The following FIBCD1 variants were observed in gnomAD, a reference collection of about 807,000 sequenced individuals.
The protein encoded by FIBCD1 is fibrinogen C domain-containing protein 1.
FIBCD1 carries 47 observed loss-of-function variants against 45.1 expected under a neutral mutation model. The observed-to-expected ratio is 1.04, with a 90% CI of 0.82 to 1.33. The LOEUF (loss-of-function observed/expected upper bound fraction) is 1.33, where lower values mean the gene tolerates loss of function less well. FIBCD1 is among the 40% of genes most tolerant of loss of function. FIBCD1 has a pLI of 0.00. For missense variants in FIBCD1, 653 were observed against 682.2 expected (o/e 0.96, Z 0.48); for synonymous variants, 313 against 308.1 (o/e 1.02, Z -0.17).
chr9:130,923,947 ACTGT>A (rs915724576), intron 3 of FIBCD1, 67 bp from the exon 4 acceptor site: 21 of 1,604,770 alleles, frequency 1.3e-5, no homozygotes, highest in Non-Finnish European at 1.8e-5. Flanking sequence ...CCCTGGCCAA[ACTGT>A]CTGTCCATCG....
chr9:130,928,902 AAGG>A (rs59968769), intron 2 of FIBCD1, among the ~76,000 whole-genome samples: 7,256 of 152,196 alleles, frequency 0.048, 588 homozygotes, highest in African/African-American at 0.17. Flanking sequence ...TCATCCTATG[AAGG>A]AGGAACTTCT....
chr9:130,939,831 A>G (rs887395732), upstream of FIBCD1, among the ~76,000 whole-genome samples: 5 of 151,774 alleles, frequency 3.3e-5, no homozygotes, highest in Non-Finnish European at 7.4e-5. Context: ...GGTAATTGAC[A>G]AAGTCCTTAA....
In FIBCD1 at chr9:130,926,051, G is replaced by T. The variant is rs142335702; in HGVS notation, c.553-1655C>A. On this transcript the variant is annotated intron_variant, in intron 2 of 6. Transcript: ENST00000372338. The surrounding 1 kb of genome is among the most constrained non-coding windows in gnomAD (Gnocchi z 4.1). ...CAGAGATGGGCAGGCAGGGCGTTTG[G>T]GTTTCACGGCAGCATCCTGTAGACG... 2.7e-4 allele frequency among the ~76,000 whole-genome samples: 41 copies of T among 152,280 alleles called. No individual in the cohort carries two copies. In the East Asian group the frequency reaches 7.7e-3, roughly 29 times the overall value.
intron 5 of FIBCD1, among the ~76,000 whole-genome samples, chr9:130,907,367 C>T (rs1276154389): frequency 1.3e-5 from 2 of 152,238 alleles, no homozygotes; most frequent in Non-Finnish European, 2.9e-5. Flanking sequence ...CTTTCTCCAG[C>T]TCTCCCAGCT....
intron 5 of FIBCD1, among the ~76,000 whole-genome samples, chr9:130,909,987 G>C (rs2133073105): frequency 6.6e-6 from 1 of 152,316 alleles, no homozygotes; most frequent in Non-Finnish European, 1.5e-5. Flanking sequence ...CCTCGCTCTC[G>C]GCGCCTCCTC....
chr9:130,929,728 C>A lies in FIBCD1; in HGVS notation c.391G>T (p.Asp131Tyr). 6.3e-7 allele frequency: 1 copy of A among 1,584,664 alleles called. No individual in the cohort carries two copies. The highest frequency in any genetic ancestry group is 8.6e-7 in the Non-Finnish European group (1 of 1,166,814). Residue 131 changes from aspartate (D) to tyrosine (Y), a missense_variant, in exon 2 of 7, where the codon GAC (aspartate) becomes TAC (tyrosine). Coordinates refer to ENST00000372338, the MANE Select transcript of FIBCD1 (RefSeq NM_032843.5). ...GTGTCCAGCAGCTCCTGCTCCTGGT[C>A]GCCCACCAGCCGTGGCTGGGCCTGG... ...EHQAQPRLVGDQEQELLDTLA... is the reference protein window; with the variant it reads ...EHQAQPRLVGYQEQELLDTLA...
intron 3 of FIBCD1, 82 bp from the exon 4 acceptor site, chr9:130,923,962 A>G (rs1832310273): frequency 6.3e-7 from 1 of 1,593,352 alleles, no homozygotes; most frequent in Non-Finnish European, 8.6e-7. Context: ...CTGTCCATCG[A>G]TAATGCATGT....
At chr9:130,908,773 G>A (rs1216147233) in intron 5 of FIBCD1, among the ~76,000 whole-genome samples, 1 of 152,122 alleles carries the variant, frequency 6.6e-6, no homozygotes, top group African/African-American at 2.4e-5. Context: ...GTCCACACGG[G>A]GTGTGACCTT....
At chr9:130,930,992 A>G (rs1413887710) in intron 1 of FIBCD1, among the ~76,000 whole-genome samples, 3 of 152,070 alleles carry the variant, frequency 2.0e-5, no homozygotes, top group Non-Finnish European at 4.4e-5. Context: ...GCTGTTCTCC[A>G]GTCCCCAGGG....
chr9:130,940,276 C>T (rs983566215), upstream of FIBCD1, among the ~76,000 whole-genome samples: 1 of 152,266 alleles, frequency 6.6e-6, no homozygotes, highest in Non-Finnish European at 1.5e-5. Context: ...GAGACTGCCA[C>T]CCGCCAGGCG....
chr9:130,928,286 G>T (rs1445549156), intron 2 of FIBCD1, among the ~76,000 whole-genome samples: 1 of 152,224 alleles, frequency 6.6e-6, no homozygotes, highest in Non-Finnish European at 1.5e-5. Flanking sequence ...GCAGGACTCT[G>T]GGGTCCCTCC....
chr9:130,918,080 G>A (rs1418070574), intron 4 of FIBCD1, among the ~76,000 whole-genome samples: 1 of 152,244 alleles, frequency 6.6e-6, no homozygotes, highest in Non-Finnish European at 1.5e-5. Flanking sequence ...CAGCCATAGG[G>A]CAGAGCAGCT....
At chr9:130,911,103 T>C (rs1832030190) in intron 5 of FIBCD1, among the ~76,000 whole-genome samples, 1 of 152,196 alleles carries the variant, frequency 6.6e-6, no homozygotes, top group Non-Finnish European at 1.5e-5. Flanking sequence ...TCCTGCGCTG[T>C]GGAAGCTTTG....
rs1312248639 is a variant in FIBCD1, at chr9:130,938,611, C to G, written c.-4G>C. On this transcript the variant is annotated 5_prime_UTR_variant, in exon 1 of 7. Transcript: ENST00000372338. ...TCTTCCACCGGTCGTTGACCATCTTCCGGCAGGACTGGCGGGGGCGCCGGG... is the reference window on the plus strand; with the variant it reads ...TCTTCCACCGGTCGTTGACCATCTTGCGGCAGGACTGGCGGGGGCGCCGGG... 9.3e-5 allele frequency: 135 copies of G among 1,450,440 alleles called. No individual in the cohort carries two copies. The highest frequency in any genetic ancestry group is 1.2e-4 in the Non-Finnish European group (128 of 1,101,334). 89.8% of individuals were successfully genotyped at this position (1,450,440 alleles called of 1,614,324 possible).
chr9:130,924,626 G>A (rs1832327583), intron 2 of FIBCD1, among the ~76,000 whole-genome samples: 2 of 152,204 alleles, frequency 1.3e-5, no homozygotes, highest in Admixed American at 1.3e-4. Flanking sequence ...GAGGGCCGGG[G>A]AGCAGGCGGG....
chr9:130,930,126 G>GTCAGAGGACCCC (rs1229628828), intron 1 of FIBCD1, 80 bp from the exon 2 acceptor site: 53 of 1,440,512 alleles, frequency 3.7e-5, no homozygotes, highest in Non-Finnish European at 4.6e-5. Context: ...CATACCTGGG[G>GTCAGAGGACCCC]TCAGAGGACC....
At chr9:130,921,987 G>A (rs1040960230) in intron 4 of FIBCD1, among the ~76,000 whole-genome samples, 4 of 152,280 alleles carry the variant, frequency 2.6e-5, no homozygotes, top group East Asian at 1.9e-4. Context: ...TCCACCGGCC[G>A]CCTGTGCGGG....
At chr9:130,940,543 G>T (rs1832605762), upstream of FIBCD1, among the ~76,000 whole-genome samples, 5 of 152,258 alleles carry the variant, frequency 3.3e-5, no homozygotes, top group South Asian at 1.0e-3. Flanking sequence ...TGGGAAGAAG[G>T]ATGTGGTGGA....
At chr9:130,934,825 C>T (rs1218808392) in intron 1 of FIBCD1, among the ~76,000 whole-genome samples, 1 of 152,186 alleles carries the variant, frequency 6.6e-6, no homozygotes, top group Admixed American at 6.5e-5. Flanking sequence ...TAGTCACCTG[C>T]TCCTGTCCAT....
Sources: gnomAD v4.1 joint callset for allele counts (sites outside exome capture counted in the v4.1 genomes callset) on GRCh38, gnomAD v4.1.1 for gene constraint, Gnocchi (gnomAD v3.1) non-coding constraint, MANE v1.5 for transcripts, NCBI Gene and HGNC (gene_info 2026-07-23, HGNC 2026-07-21) for gene names.